LRRC72: variants seen among roughly 807,000 people sequenced by gnomAD.
LRRC72 encodes the protein leucine-rich repeat-containing protein 72.
A neutral mutation model predicts 35.8 loss-of-function variants in LRRC72; 41 were observed. That is an observed-to-expected ratio of 1.15 (90% CI 0.89 to 1.49). LRRC72 has a LOEUF of 1.49. LRRC72 is among the 40% of genes most tolerant of loss of function. The pLI, the probability that LRRC72 is intolerant of heterozygous loss-of-function variation, is 0.00. For synonymous variants in LRRC72, 118 were observed against 119.2 expected, an observed-to-expected ratio of 0.99 and a Z score of 0.07; for missense variants, 389 against 330.7, an observed-to-expected ratio of 1.18 and a Z score of -1.37.
intron 5 of LRRC72, among the ~76,000 whole-genome samples, chr7:16,559,861 A>T (rs1782716480): frequency 6.6e-6 from 1 of 152,134 alleles, no homozygotes; most frequent in African/African-American, 2.4e-5. Context: ...TGATACATAA[A>T]GTATATTAAT....
At chr7:16,560,510 ATCT>A (rs1395617703) in intron 5 of LRRC72, among the ~76,000 whole-genome samples, 4 of 152,070 alleles carry the variant, frequency 2.6e-5, no homozygotes, top group African/African-American at 7.2e-5. Context: ...CAGCTTTTGG[ATCT>A]TCTGTGAAAG....
intron 7 of LRRC72, among the ~76,000 whole-genome samples, chr7:16,579,604 G>T (rs1168459211): frequency 6.6e-6 from 1 of 152,136 alleles, no homozygotes; most frequent in African/African-American, 2.4e-5. Context: ...TCTAGTATTT[G>T]TTTATTCCGT....
rs75697446 is a variant in LRRC72, at chr7:16,529,268, T to C, written c.90+2226T>C. Among the ~76,000 whole-genome samples the C allele has an allele frequency of 1.2e-3, 187 of 152,340 alleles. 1 individual carries two copies. In the East Asian group the frequency reaches 0.034, roughly 28 times the overall value. On this transcript the variant is annotated intron_variant, in intron 1 of 8. Transcript: ENST00000401542. ...TATACATTCTTCTGCTTCTTCTGTT[T>C]TGTGCGCTTACTCTCCTCTTCCACC...
In LRRC72 at chr7:16,539,436, T is replaced by C. The variant is rs747325750; in HGVS notation, c.234+1740T>C. Among the ~76,000 whole-genome samples the C allele has an allele frequency of 3.2e-4, 49 of 152,302 alleles. No homozygotes were observed. The Middle Eastern group carries it at 0.01, about 32-fold the overall frequency. On this transcript the variant is annotated intron_variant, in intron 3 of 8. Transcript: ENST00000401542. ...GTCATATGCATTCACAAAGAGATTA[T>C]CTGAAACTGAAACTTTTATTTAAAA...
At chr7:16,544,930 C>T (rs115493219) in intron 3 of LRRC72, among the ~76,000 whole-genome samples, 8 of 151,710 alleles carry the variant, frequency 5.3e-5, no homozygotes, top group South Asian at 2.1e-4. Flanking sequence ...ACGCTTCTGG[C>T]GAAGTCATTG....
chr7:16,535,706 G>A (rs941710212), intron 2 of LRRC72, among the ~76,000 whole-genome samples: 3 of 152,124 alleles, frequency 2.0e-5, no homozygotes, highest in African/African-American at 7.2e-5. Context: ...GCAGACTGAC[G>A]TCATTTGGAT....
At chr7:16,580,909 A>G (rs1174770183) in intron 8 of LRRC72, among the ~76,000 whole-genome samples, 7 of 152,282 alleles carry the variant, frequency 4.6e-5, no homozygotes, top group Non-Finnish European at 1.0e-4. Flanking sequence ...CTTTGGATAC[A>G]GTATTGAATA....
chr7:16,538,517 T>C (rs558051098), intron 3 of LRRC72, among the ~76,000 whole-genome samples: 1 of 152,256 alleles, frequency 6.6e-6, no homozygotes, highest in Non-Finnish European at 1.5e-5. Flanking sequence ...ACGTGCAGAA[T>C]CCCTTATACA....
intron 1 of LRRC72, among the ~76,000 whole-genome samples, chr7:16,531,397 T>C (rs1782160612): frequency 2.0e-5 from 3 of 152,148 alleles, no homozygotes; most frequent in Non-Finnish European, 4.4e-5. Flanking sequence ...AGTTCAGGAC[T>C]ATACATTTGC....
intron 5 of LRRC72, 81 bp from the exon 6 acceptor site, chr7:16,566,232 C>A: frequency 2.6e-6 from 2 of 772,364 alleles, no homozygotes; most frequent in South Asian, 2.5e-5. Flanking sequence ...ATACGAATCT[C>A]TTAATTTTTT....
At chr7:16,536,983 A>T (rs1383130225) in intron 2 of LRRC72, 2 of 152,230 alleles carry the variant, frequency 1.3e-5, no homozygotes, top group African/African-American at 4.8e-5. Flanking sequence ...CTATCCTCAG[A>T]CAGTGCCCTC....
chr7:16,567,452 C>A lies in LRRC72; in HGVS notation c.579C>A (p.Ile193=). Residue 193 remains isoleucine (I), a synonymous_variant, in exon 7 of 9, where the codon ATC becomes ATA. Transcript: ENST00000401542. ...ITIFNHKKAH[I]VQSIAFGGKV... ...TTTTTAACCATAAAAAGGCTCATAT[C>A]GTTCAATCAATAGCATTCGGAGGAA... The A allele has an allele frequency of 6.5e-7, 1 of 1,528,212 alleles. No homozygotes were observed. The highest frequency in any genetic ancestry group is 8.8e-7 in the Non-Finnish European group (1 of 1,137,082). 94.7% of individuals were successfully genotyped at this position (1,528,212 alleles called of 1,614,324 possible). A position where few individuals can be genotyped will look rare whatever the true frequency, so the allele number is the denominator to read the frequency against.
chr7:16,527,852 A>T (rs888706503), intron 1 of LRRC72, among the ~76,000 whole-genome samples: 3 of 152,134 alleles, frequency 2.0e-5, no homozygotes, highest in African/African-American at 4.8e-5. Context: ...TACTGACCTT[A>T]TTCTTCTAGG....
chr7:16,562,169 A>G (rs73682463), intron 5 of LRRC72, among the ~76,000 whole-genome samples: 12,529 of 152,136 alleles, frequency 0.082, 1,767 homozygotes, highest in African/African-American at 0.29. Flanking sequence ...TCCTGTCTTC[A>G]GGCAGAGTCA....
intron 3 of LRRC72, among the ~76,000 whole-genome samples, chr7:16,538,453 T>TTAAG (rs376600350): frequency 1.6e-4 from 24 of 152,172 alleles, no homozygotes; most frequent in African/African-American, 5.8e-4. Context: ...CACCTCACCT[T>TTAAG]TATCCCAGGG....
chr7:16,542,351 T>G (rs1367406412), intron 3 of LRRC72, among the ~76,000 whole-genome samples: 2 of 152,202 alleles, frequency 1.3e-5, no homozygotes, highest in Non-Finnish European at 2.9e-5. Flanking sequence ...CGTGCTTGAT[T>G]ATTTACATGC....
chr7:16,550,384 G>A (rs1227104511), intron 3 of LRRC72, among the ~76,000 whole-genome samples: 1 of 152,098 alleles, frequency 6.6e-6, no homozygotes, highest in African/African-American at 2.4e-5. Flanking sequence ...GGGTTGTCAT[G>A]AAAAATAAAT....
At chr7:16,576,706 AG>A (rs1271067134) in intron 7 of LRRC72, among the ~76,000 whole-genome samples, 9 of 152,244 alleles carry the variant, frequency 5.9e-5, no homozygotes, top group Non-Finnish European at 1.0e-4. Context: ...AAAGACATTA[AG>A]GGGTATTTAA....
rs1383865977 is a variant in LRRC72, at chr7:16,574,255, TCTA to T, written c.671-5818_671-5816del. 2.6e-5 allele frequency among the ~76,000 whole-genome samples: 4 copies of T among 152,150 alleles called. No individual in the cohort carries two copies. The East Asian group carries it at 7.7e-4, about 29-fold the overall frequency. ...AGACAATGTGGCGATTCCTCAAGGA[TCTA>T]GAACCAGAAATACAATTTGACCCAG... On this transcript the variant is annotated intron_variant, in intron 7 of 8. Transcript: ENST00000401542.
Sources: gnomAD v4.1 joint callset for allele counts (sites outside exome capture counted in the v4.1 genomes callset) on GRCh38, gnomAD v4.1.1 for gene constraint, MANE v1.5 for transcripts, NCBI Gene and HGNC (gene_info 2026-07-23, HGNC 2026-07-21) for gene names.